The following LOC400499 variants were observed in gnomAD, a reference collection of about 807,000 sequenced individuals.
the LOC400499 span, among the ~76,000 whole-genome samples, chr16:11,447,510 T>C: frequency 6.6e-6 from 1 of 152,164 alleles, no homozygotes; most frequent in African/African-American, 2.4e-5. Context: ...ATGCTGCTGT[T>C]CCTTTGTCAT....
chr16:11,388,618 C>T, the LOC400499 span, among the ~76,000 whole-genome samples: 3 of 152,140 alleles, frequency 2.0e-5, no homozygotes, highest in East Asian at 3.9e-4. Context: ...CCACCACCCC[C>T]GTGTTCTCAA....
At chr16:11,521,837 C>T in the LOC400499 span, 1 of 397,214 alleles carries the variant, frequency 2.5e-6, no homozygotes, top group African/African-American at 2.1e-5. Flanking sequence ...TATAAGATTC[C>T]TCAGAAAGCT....
At chr16:11,404,955 G>C in the LOC400499 span, 1 of 398,212 alleles carries the variant, frequency 2.5e-6, no homozygotes, top group Non-Finnish European at 4.4e-6. Flanking sequence ...GGAGGAAAAA[G>C]GGAATATTTG....
At chr16:11,462,584 G>A in the LOC400499 span, 6 of 259,182 alleles carry the variant, frequency 2.3e-5, no homozygotes, top group African/African-American at 4.6e-5. Context: ...CACCACACCC[G>A]GCTAATTTTT....
chr16:11,480,279 T>C, the LOC400499 span, among the ~76,000 whole-genome samples: 1 of 152,224 alleles, frequency 6.6e-6, no homozygotes, highest in African/African-American at 2.4e-5. Context: ...ACTGTTTATA[T>C]CTAGCGGACC....
chr16:11,526,090 A>T, the LOC400499 span, among the ~76,000 whole-genome samples: 2 of 152,236 alleles, frequency 1.3e-5, no homozygotes, highest in African/African-American at 2.4e-5. Context: ...CATGCCAGAC[A>T]GTGTTCTATG....
chr16:11,491,840 C>T, the LOC400499 span: 1 of 398,928 alleles, frequency 2.5e-6, no homozygotes, highest in Middle Eastern at 6.3e-4. Flanking sequence ...GGGAGAGCAC[C>T]GATCTCTGGC....
the LOC400499 span, among the ~76,000 whole-genome samples, chr16:11,506,196 TG>T: frequency 6.6e-6 from 1 of 152,064 alleles, no homozygotes; most frequent in East Asian, 1.9e-4. Flanking sequence ...GTCTAATTTT[TG>T]TATTTTTAGT....
At chr16:11,460,640 C>G in the LOC400499 span, 1 of 1,501,512 alleles carries the variant, frequency 6.7e-7, no homozygotes, top group Non-Finnish European at 8.9e-7. Context: ...GACCCCTGCC[C>G]TCCTCTGCCA....
At chr16:11,435,894 G>C in the LOC400499 span, 27 of 399,282 alleles carry the variant, frequency 6.8e-5, no homozygotes, top group Admixed American at 8.4e-4. Context: ...AGGGAGGCAG[G>C]GGAGGGACAG....
chr16:11,493,750 A>T, the LOC400499 span: 4 of 392,588 alleles, frequency 1.0e-5, no homozygotes, highest in Non-Finnish European at 4.5e-6. Context: ...GGTGAGAGCC[A>T]TGGCTGCCAA....
chr16:11,476,316 C>A, the LOC400499 span, among the ~76,000 whole-genome samples: 1 of 151,956 alleles, frequency 6.6e-6, no homozygotes, highest in Non-Finnish European at 1.5e-5. Flanking sequence ...GAGTCACCTC[C>A]TTAGGGGTCA....
the LOC400499 span, among the ~76,000 whole-genome samples, chr16:11,479,556 A>G: frequency 2.6e-5 from 4 of 152,050 alleles, no homozygotes; most frequent in Non-Finnish European, 5.9e-5. Context: ...CCAGGAGTTC[A>G]AGGCTGTAGC....
At chr16:11,420,616 A>T in the LOC400499 span, among the ~76,000 whole-genome samples, 1 of 133,764 alleles carries the variant, frequency 7.5e-6, no homozygotes, top group African/African-American at 2.8e-5. Flanking sequence ...CCCGGAAAAA[A>T]ACCCCAAACT....
chr16:11,468,070 T>C, the LOC400499 span, among the ~76,000 whole-genome samples: 1 of 151,870 alleles, frequency 6.6e-6, no homozygotes, highest in African/African-American at 2.4e-5. Context: ...AGATCCTCCC[T>C]GACAGCCTTC....
chr16:11,478,143 T>C, the LOC400499 span: 3 of 373,740 alleles, frequency 8.0e-6, no homozygotes, highest in Admixed American at 4.6e-5. Flanking sequence ...GGAAACCCTG[T>C]ACTAAAAATA....
the LOC400499 span, among the ~76,000 whole-genome samples, chr16:11,513,426 A>AATTTATTT: frequency 6.6e-6 from 1 of 150,966 alleles, no homozygotes; most frequent in African/African-American, 2.4e-5. Flanking sequence ...AAAATTTAAA[A>AATTTATTT]ATTTATTTAT....
chr16:11,386,803 G>C, the LOC400499 span, among the ~76,000 whole-genome samples: 2 of 152,244 alleles, frequency 1.3e-5, no homozygotes, highest in Non-Finnish European at 1.5e-5. Context: ...CCTCTGACCG[G>C]CGAGTCTGAA....
chr16:11,521,019 T>C, the LOC400499 span, among the ~76,000 whole-genome samples: 3 of 152,176 alleles, frequency 2.0e-5, no homozygotes, highest in African/African-American at 7.2e-5. Context: ...TTGTGAAAAC[T>C]GGCCCTGCAG....
Sources: gnomAD v4.1 joint callset for allele counts (sites outside exome capture counted in the v4.1 genomes callset) on GRCh38, gnomAD v4.1.1 for gene constraint, MANE v1.5 for transcripts.